Variants in ATP10B observed in about 807,000 individuals in gnomAD.
The protein encoded by ATP10B is phospholipid-transporting ATPase VB.
Under a neutral mutation model 141.2 loss-of-function variants are expected in ATP10B, and 122 were observed. That is an observed-to-expected ratio of 0.86 (90% CI 0.75 to 1.00). The LOEUF is 1.00. Ranked by LOEUF, ATP10B falls within the 50% of genes least tolerant of loss-of-function variation. The pLI is 0.00. For missense variants in ATP10B, 1,876 were observed against 1,825.3 expected, an observed-to-expected ratio of 1.03 and a Z score of -0.51; for synonymous variants, 685 against 692.0, an observed-to-expected ratio of 0.99 and a Z score of 0.16.
At chr5:160,600,566 T>C (rs540323228) in intron 21 of ATP10B, among the ~76,000 whole-genome samples, 85 of 152,360 alleles carry the variant, frequency 5.6e-4, no homozygotes, top group African/African-American at 1.9e-3. Context: ...AATTGTTATT[T>C]GAATCAATGT....
chr5:160,658,305 CAG>C (rs1761647949), intron 7 of ATP10B, among the ~76,000 whole-genome samples: 1 of 152,142 alleles, frequency 6.6e-6, no homozygotes, highest in Admixed American at 6.5e-5. Context: ...GGACACCGGT[CAG>C]AGTGTTGCCT....
chr5:160,659,688 A>G (rs1761781556), intron 7 of ATP10B, among the ~76,000 whole-genome samples: 1 of 152,076 alleles, frequency 6.6e-6, no homozygotes, highest in Admixed American at 6.5e-5. Flanking sequence ...CAAGGAGGCC[A>G]GAAGTCTATA....
In ATP10B at chr5:160,580,924, T is replaced by A. The variant is rs182777381; in HGVS notation, c.3750+8668A>T. ...GTCCAGGAATTTATCCATTTCTTCT[T>A]GATTTTCCAGTACATTTGTGTAGAG... is the stretch of plus-strand genomic sequence containing the variant. On this transcript the variant is annotated intron_variant, in intron 24 of 25. Coordinates refer to ENST00000327245, the MANE Select transcript of ATP10B (RefSeq NM_025153.3). Among the ~76,000 whole-genome samples, 40 of 152,258 alleles carry A rather than the reference T, an allele frequency of 2.6e-4. No homozygotes were observed. In the East Asian group the frequency reaches 7.1e-3, roughly 27 times the overall value.
chr5:160,709,187 T>G (rs976330062), intron 3 of ATP10B, among the ~76,000 whole-genome samples: 1 of 152,114 alleles, frequency 6.6e-6, no homozygotes, highest in African/African-American at 2.4e-5. Context: ...CAAGAGCATA[T>G]CCTTATGGTC....
chr5:160,580,547 G>A (rs925072602), intron 24 of ATP10B, among the ~76,000 whole-genome samples: 1 of 152,170 alleles, frequency 6.6e-6, no homozygotes, highest in African/African-American at 2.4e-5. Flanking sequence ...TTGATGTGCT[G>A]CTGGATTTGG....
chr5:160,685,121 G>A, intron 6 of ATP10B: 1 of 702,584 alleles, frequency 1.4e-6, no homozygotes, highest in Non-Finnish European at 2.6e-6. Flanking sequence ...TGTCTGTTGG[G>A]GTTCTCTTTG....
chr5:160,892,173 C>T, the ATP10B span, among the ~76,000 whole-genome samples: 1,918 of 152,266 alleles, frequency 0.013, 38 homozygotes, highest in African/African-American at 0.043. Context: ...CTTTTCATCG[C>T]ATTTAGACTA....
intron 1 of ATP10B, among the ~76,000 whole-genome samples, chr5:160,846,821 C>G (rs902506007): frequency 6.6e-6 from 1 of 152,216 alleles, no homozygotes; most frequent in African/African-American, 2.4e-5. Flanking sequence ...GGCTCTGTCT[C>G]TTCCTGCCAC....
intron 25 of ATP10B, 138 bp from the exon 26 acceptor site, chr5:160,566,038 C>A (rs577762390): frequency 4.1e-4 from 312 of 767,926 alleles, no homozygotes; most frequent in Non-Finnish European, 5.6e-4. Context: ...CATGTCTGGG[C>A]ACCTCTAGTC....
At chr5:160,824,332 TA>T (rs1774409909) in intron 1 of ATP10B, among the ~76,000 whole-genome samples, 1 of 152,116 alleles carries the variant, frequency 6.6e-6, no homozygotes, top group African/African-American at 2.4e-5. Context: ...TTTTCATTTT[TA>T]TAAAATTGTT....
the ATP10B span, among the ~76,000 whole-genome samples, chr5:160,920,975 T>G: frequency 1.3e-5 from 2 of 152,178 alleles, no homozygotes; most frequent in African/African-American, 4.8e-5. Flanking sequence ...TTTAATAAAT[T>G]ATTATTAATC....
chr5:160,643,775 T>C (rs1455204867), intron 9 of ATP10B, among the ~76,000 whole-genome samples: 1 of 152,184 alleles, frequency 6.6e-6, no homozygotes, highest in Non-Finnish European at 1.5e-5. Context: ...ACTGTACAAA[T>C]GAGGAAATTG....
chr5:160,666,713 A>C (rs1476216935), intron 7 of ATP10B, among the ~76,000 whole-genome samples: 1 of 152,176 alleles, frequency 6.6e-6, no homozygotes, highest in Non-Finnish European at 1.5e-5. Context: ...TTCTGCCCTA[A>C]AAGTATAAGG....
the ATP10B span, among the ~76,000 whole-genome samples, chr5:160,919,021 C>G: frequency 6.6e-6 from 1 of 150,886 alleles, no homozygotes; most frequent in Non-Finnish European, 1.5e-5. Context: ...GTCAGGAGAT[C>G]AAGACCATCC....
upstream of ATP10B, among the ~76,000 whole-genome samples, chr5:160,852,467 T>TG (rs1453792707): frequency 9.9e-5 from 15 of 152,258 alleles, no homozygotes; most frequent in African/African-American, 3.4e-4. Context: ...CAGTTCTCTT[T>TG]GGGGGGCCTG....
At chr5:160,800,197 A>G (rs1484785940) in intron 1 of ATP10B, among the ~76,000 whole-genome samples, 1 of 152,184 alleles carries the variant, frequency 6.6e-6, no homozygotes, top group Non-Finnish European at 1.5e-5. Flanking sequence ...ATGAACTTGG[A>G]GTCCACACCT....
intron 1 of ATP10B, among the ~76,000 whole-genome samples, chr5:160,806,441 A>AAC (rs932247389): frequency 1.3e-5 from 2 of 152,226 alleles, no homozygotes; most frequent in Non-Finnish European, 2.9e-5. Flanking sequence ...TTCATAAGAA[A>AAC]ACACACACAT....
At chr5:160,566,970 G>T (rs1466126800) in intron 25 of ATP10B, among the ~76,000 whole-genome samples, 1 of 152,146 alleles carries the variant, frequency 6.6e-6, no homozygotes, top group Non-Finnish European at 1.5e-5. Context: ...GTGGGCAAGA[G>T]ATTTCTGAAA....
intron 11 of ATP10B, among the ~76,000 whole-genome samples, chr5:160,634,942 GTATTCAGACC>G (rs1759250009): frequency 6.6e-6 from 1 of 152,124 alleles, no homozygotes; most frequent in Admixed American, 6.5e-5. Flanking sequence ...GCTTTTATAG[GTATTCAGACC>G]TATTGTTAAT....
Sources: allele counts gnomAD v4.1 joint callset (sites outside exome capture counted in the v4.1 genomes callset), GRCh38; gene constraint gnomAD v4.1.1; transcripts MANE v1.5; gene names NCBI Gene and HGNC (gene_info 2026-07-23, HGNC 2026-07-21).